FHL5: variants seen among roughly 807,000 people sequenced by gnomAD.
FHL5 encodes the protein four and a half LIM domains protein 5.
Under a neutral mutation model 32.0 loss-of-function variants are expected in FHL5, and 33 were observed. That is an observed-to-expected ratio of 1.03 (90% CI 0.78 to 1.38). The LOEUF is 1.38. FHL5 is among the 40% of genes most tolerant of loss of function. FHL5 has a pLI of 0.00. For missense variants in FHL5, 336 were observed against 343.9 expected, an observed-to-expected ratio of 0.98 and a Z score of 0.18; for synonymous variants, 114 against 113.6, an observed-to-expected ratio of 1.00 and a Z score of -0.02.
At chr6:96,586,696 A>G (rs1770806085) in intron 1 of FHL5, among the ~76,000 whole-genome samples, 1 of 152,200 alleles carries the variant, frequency 6.6e-6, no homozygotes, top group Admixed American at 6.5e-5. Context: ...GAAAAAATTA[A>G]TCCTTTGTGC....
chr6:96,598,267 C>T (rs1344528488), intron 1 of FHL5, among the ~76,000 whole-genome samples: 1 of 152,178 alleles, frequency 6.6e-6, no homozygotes, highest in African/African-American at 2.4e-5. Flanking sequence ...AGCCAATCTG[C>T]CACCATCAAC....
chr6:96,614,233 G>T lies in FHL5; in HGVS notation c.692-1376G>T, dbSNP rs1057342193. On this transcript the variant is annotated intron_variant, in intron 5 of 5. Coordinates refer to ENST00000450218, the MANE Select transcript of FHL5 (RefSeq NM_001322466.2). The stretch of plus-strand genomic sequence containing the variant: ...AAAACTCATGAGCATCAAAATGCTA[G>T]ACATGTAATAATTAGTTTTATGAAC... 2.1e-5 allele frequency among the ~76,000 whole-genome samples: 3 copies of T among 146,238 alleles called. No homozygotes were observed. The South Asian group carries it at 6.5e-4, about 32-fold the overall frequency.
In FHL5 at chr6:96,584,435, ATG is replaced by A. The variant is rs141920939; in HGVS notation, c.-12-19143_-12-19142del. Among the ~76,000 whole-genome samples, 454 of 146,662 alleles carry A rather than the reference ATG, an allele frequency of 3.1e-3. 3 individuals are homozygous for A. Among genetic ancestry groups the A allele is most frequent in the East Asian group, 8.4e-3 (42 of 4,978 alleles). ...GAAGTGGCTGAAGCACAGGTGGGAT[ATG>A]TGTGTGTGTGTGTGTGTGTGTGTTT... On this transcript the variant is annotated intron_variant, in intron 1 of 5. Transcript: ENST00000450218.
chr6:96,615,753 G>A lies in FHL5; in HGVS notation c.836G>A (p.Gly279Glu), dbSNP rs779430990. Residue 279 changes from glycine to glutamate, a missense_variant, in exon 6 of 6, where the codon GGA becomes GAA. Physicochemically the swap from Gly to Glu is moderately conservative, Grantham distance 98 (BLOSUM62 -2). Transcript: ENST00000450218. ...KEIFCQKCGS[G>E]MDTDI is the part of the protein sequence containing the mutation. ...ATCTTCTGCCAAAAATGTGGCTCCG[G>A]AATGGACACTGACATCTAGGAGACA... is the stretch of plus-strand genomic sequence containing the variant. 6.2e-7 allele frequency: 1 copy of A among 1,610,024 alleles called. No individual in the cohort carries two copies.
At chr6:96,592,611 G>A (rs951206307) in intron 1 of FHL5, among the ~76,000 whole-genome samples, 19 of 152,210 alleles carry the variant, frequency 1.2e-4, no homozygotes, top group African/African-American at 4.6e-4. Context: ...CAGGGGTATT[G>A]ACTGGGGAAG....
chr6:96,595,392 G>A (rs530265210), intron 1 of FHL5, among the ~76,000 whole-genome samples: 6 of 151,174 alleles, frequency 4.0e-5, no homozygotes, highest in Admixed American at 2.0e-4. Context: ...GATCATCTTT[G>A]TCTCTGGAAT....
At chr6:96,581,842 T>C (rs919939160) in intron 1 of FHL5, among the ~76,000 whole-genome samples, 7 of 152,168 alleles carry the variant, frequency 4.6e-5, no homozygotes, top group African/African-American at 1.7e-4. Context: ...TTGTTGAATT[T>C]TCCAAGGAGC....
At chr6:96,571,881 T>G (rs1181772791) in intron 1 of FHL5, among the ~76,000 whole-genome samples, 1 of 152,062 alleles carries the variant, frequency 6.6e-6, no homozygotes, top group Non-Finnish European at 1.5e-5. Flanking sequence ...TATCCCAGAA[T>G]GTGTGGGGCC....
At chr6:96,577,369 C>A (rs551281181) in intron 1 of FHL5, among the ~76,000 whole-genome samples, 4 of 151,814 alleles carry the variant, frequency 2.6e-5, no homozygotes, top group South Asian at 4.2e-4. Flanking sequence ...ACTCAAACAC[C>A]CCCCCAACAC....
chr6:96,602,419 GTTGT>G (rs1771167970), intron 1 of FHL5, among the ~76,000 whole-genome samples: 1 of 79,744 alleles, frequency 1.3e-5, no homozygotes. Flanking sequence ...ATCTATATGC[GTTGT>G]TTCTTTTTTT....
chr6:96,570,247 A>T (rs537854935), intron 1 of FHL5, among the ~76,000 whole-genome samples: 3 of 152,036 alleles, frequency 2.0e-5, no homozygotes, highest in Non-Finnish European at 4.4e-5. Context: ...TTTGCTGGGT[A>T]TAGTATTCTT....
chr6:96,562,876 A>T (rs1166766661), upstream of FHL5, among the ~76,000 whole-genome samples: 1 of 152,194 alleles, frequency 6.6e-6, no homozygotes, highest in Non-Finnish European at 1.5e-5. Context: ...CCAAAAACAG[A>T]TTGAGGAAAC....
At chr6:96,599,456 A>G (rs1771106254) in intron 1 of FHL5, among the ~76,000 whole-genome samples, 1 of 152,118 alleles carries the variant, frequency 6.6e-6, no homozygotes, top group Admixed American at 6.5e-5. Context: ...TGGCCTCCCA[A>G]AGTGCTGGGA....
chr6:96,595,918 T>C (rs1365314490), intron 1 of FHL5, among the ~76,000 whole-genome samples: 1 of 152,064 alleles, frequency 6.6e-6, no homozygotes, highest in African/African-American at 2.4e-5. Context: ...TCCAAGTATT[T>C]TCTTTGCTGG....
chr6:96,614,444 G>A (rs112797913), intron 5 of FHL5, among the ~76,000 whole-genome samples: 2 of 152,142 alleles, frequency 1.3e-5, no homozygotes, highest in Non-Finnish European at 2.9e-5. Context: ...GCAATTTTCT[G>A]TATGAACTAC....
At chr6:96,566,399 T>C (rs543389375) in intron 1 of FHL5, among the ~76,000 whole-genome samples, 23 of 152,170 alleles carry the variant, frequency 1.5e-4, no homozygotes, top group African/African-American at 4.8e-4. Context: ...CATTCGCCTA[T>C]TGATGGAAAC....
At position 96,616,873 on chromosome 6, in the gene FHL5, C is replaced by T. The variant is rs539821888; in HGVS notation, c.*1101C>T. On this transcript the variant is annotated 3_prime_UTR_variant, in exon 6 of 6. Coordinates refer to ENST00000450218, the MANE Select transcript of FHL5 (RefSeq NM_001322466.2). ...ATAATTCAGAACCTGCAAAGCAGCACAATAGAGTAATGTGGGCTGTAGGCG... is the reference window on the plus strand; with the variant it reads ...ATAATTCAGAACCTGCAAAGCAGCATAATAGAGTAATGTGGGCTGTAGGCG... Among the ~76,000 whole-genome samples the T allele has an allele frequency of 1.3e-5, 2 of 152,232 alleles. No individual in the cohort carries two copies. The highest frequency in any genetic ancestry group is 3.9e-4 in the East Asian group (2 of 5,174).
At position 96,603,766 on chromosome 6, in the gene FHL5, T is replaced by G; in HGVS notation, c.153T>G (p.Asp51Glu). 6.2e-7 allele frequency: 1 copy of G among 1,608,586 alleles called. No homozygotes were observed. The highest frequency in any genetic ancestry group is 8.5e-7 in the Non-Finnish European group (1 of 1,177,498). Residue 51 changes from aspartate (D) to glutamate (E), a missense_variant, in exon 2 of 6, where the codon GAT becomes GAG. By Grantham distance (45) the Asp-to-Glu change is conservative. Coordinates refer to ENST00000450218, the MANE Select transcript of FHL5 (RefSeq NM_001322466.2). The stretch of plus-strand genomic sequence containing the variant: ...AATGCAAAAAACCAATTGAATCTGA[T>G]TCTAAGGTAAGTCTCACCTCAATTT... ...CEECKKPIESDSKDLCYKDRH... is the reference protein window; with the variant it reads ...CEECKKPIESESKDLCYKDRH...
chr6:96,563,859 A>G (rs1482937654), intron 1 of FHL5, among the ~76,000 whole-genome samples: 1 of 152,200 alleles, frequency 6.6e-6, no homozygotes, highest in Non-Finnish European at 1.5e-5. Context: ...AAATCTGCCT[A>G]CTTTCCAGAA....
Sources: gnomAD v4.1 joint callset for allele counts (sites outside exome capture counted in the v4.1 genomes callset) on GRCh38, gnomAD v4.1.1 for gene constraint, MANE v1.5 for transcripts, NCBI Gene and HGNC (gene_info 2026-07-23, HGNC 2026-07-21) for gene names.